The following CDKAL1 variants were observed in gnomAD, a reference collection of about 807,000 sequenced individuals.
CDKAL1 encodes CDKAL1 threonylcarbamoyladenosine tRNA methylthiotransferase.
In CDKAL1, 32 loss-of-function variants were observed where a neutral mutation model predicts 68.2. The observed-to-expected ratio is 0.47, with a 90% confidence interval of 0.35 to 0.63. The LOEUF (loss-of-function observed/expected upper bound fraction) is 0.63, where lower values mean the gene tolerates loss of function less well. CDKAL1 is among the 30% of genes least tolerant of loss of function. The pLI is 0.00. For missense variants in CDKAL1, 606 were observed against 696.7 expected (o/e 0.87, Z 1.47); for synonymous variants, 234 against 244.3 (o/e 0.96, Z 0.39).
intron 8 of CDKAL1, among the ~76,000 whole-genome samples, chr6:20,799,348 G>T (rs1036572204): frequency 6.6e-6 from 1 of 151,942 alleles, no homozygotes; most frequent in African/African-American, 2.4e-5. Context: ...CACCGTGCCC[G>T]GCCTAGAACT....
chr6:21,178,733 T>C (rs1187298112), intron 13 of CDKAL1, among the ~76,000 whole-genome samples: 1 of 152,216 alleles, frequency 6.6e-6, no homozygotes, highest in Non-Finnish European at 1.5e-5. Flanking sequence ...TACATTCGTA[T>C]AGCAATTTTC....
intron 5 of CDKAL1, among the ~76,000 whole-genome samples, chr6:20,676,911 A>G (rs1379338008): frequency 6.6e-6 from 1 of 152,140 alleles, no homozygotes; most frequent in African/African-American, 2.4e-5. Context: ...CACTTGAGGA[A>G]TGATGAAATT....
intron 12 of CDKAL1, among the ~76,000 whole-genome samples, chr6:21,099,367 TTATATA>T: frequency 6.6e-6 from 1 of 152,310 alleles, no homozygotes; most frequent in East Asian, 1.9e-4. Flanking sequence ...CAATAAAACT[TTATATA>T]TATAAATTTG....
At chr6:21,059,941 GT>G (rs1304722832) in intron 11 of CDKAL1, among the ~76,000 whole-genome samples, 1 of 151,930 alleles carries the variant, frequency 6.6e-6, no homozygotes, top group African/African-American at 2.4e-5. Flanking sequence ...AGTCTTCACT[GT>G]TCATTATTCT....
intron 5 of CDKAL1, among the ~76,000 whole-genome samples, chr6:20,695,211 T>A (rs1416641463): frequency 6.6e-6 from 1 of 152,172 alleles, no homozygotes; most frequent in Non-Finnish European, 1.5e-5. Flanking sequence ...TCTATGGCCT[T>A]ATGAACTGGA....
At chr6:20,712,725 A>G (rs1051562601) in intron 5 of CDKAL1, among the ~76,000 whole-genome samples, 14 of 151,926 alleles carry the variant, frequency 9.2e-5, no homozygotes, top group African/African-American at 7.2e-5. Flanking sequence ...GCTCACTGCA[A>G]CCTCCACCTC....
At chr6:20,615,874 G>T (rs111917916) in intron 4 of CDKAL1, among the ~76,000 whole-genome samples, 23,424 of 121,204 alleles carry the variant, frequency 0.19, 1,766 homozygotes, top group East Asian at 0.4. Flanking sequence ...GTCCTGAATG[G>T]TAATGCCTAG....
rs142219976 is a variant in CDKAL1 at position 20,896,320 on chromosome 6, G to A, written c.742+50142G>A. ...TCACCGTGTTGGCCAAGATGGTCTC[G>A]ATCTCTTGACCTCATGATCCACCCA... On this transcript the variant is annotated intron_variant, in intron 9 of 15. Transcript: ENST00000274695. 2.1e-3 allele frequency among the ~76,000 whole-genome samples: 322 copies of A among 152,042 alleles called. 3 individuals are homozygous for A. In the East Asian group the frequency reaches 0.056, roughly 26 times the overall value.
chr6:21,146,517 C>G (rs916516419), intron 13 of CDKAL1, among the ~76,000 whole-genome samples: 1 of 152,024 alleles, frequency 6.6e-6, no homozygotes, highest in African/African-American at 2.4e-5. Flanking sequence ...TTTTGACAGC[C>G]TCTAGTGTTA....
intron 14 of CDKAL1, among the ~76,000 whole-genome samples, chr6:21,199,399 G>A (rs547367313): frequency 5.3e-5 from 8 of 152,250 alleles, no homozygotes; most frequent in African/African-American, 1.9e-4. Context: ...GGCCTGCATC[G>A]CTTCCCCATT....
rs1487050975 is a variant in CDKAL1 at position 21,000,444 on chromosome 6, AT to A, written c.1055+74del. 3.0e-6 allele frequency: 4 copies of A among 1,311,598 alleles called. No homozygotes were observed. In the African/African-American group the frequency reaches 5.8e-5, roughly 19 times the overall value. 81.2% of individuals were successfully genotyped at this position (1,311,598 alleles called of 1,614,324 possible). A position where few individuals can be genotyped will look rare whatever the true frequency, so the allele number is the denominator to read the frequency against. On this transcript the variant is annotated intron_variant, in intron 11 of 15. Coordinates refer to ENST00000274695, the MANE Select transcript of CDKAL1 (RefSeq NM_017774.3). ...AAAAGCTTGTGGCAAAAATGCACTT[AT>A]TGCAGCCTTACAATTAAAGGTACAA...
intron 9 of CDKAL1, among the ~76,000 whole-genome samples, chr6:20,897,636 G>A (rs1228840104): frequency 6.6e-6 from 1 of 152,028 alleles, no homozygotes; most frequent in Admixed American, 6.5e-5. Context: ...TTTTTAGTAA[G>A]GGACTACAAC....
chr6:20,946,257 C>A (rs1194733999), intron 9 of CDKAL1, among the ~76,000 whole-genome samples: 1 of 152,180 alleles, frequency 6.6e-6, no homozygotes, highest in African/African-American at 2.4e-5. Context: ...ACACTGACCT[C>A]TTTGTGGTTC....
chr6:21,215,780 G>A (rs1328054077), intron 15 of CDKAL1, among the ~76,000 whole-genome samples: 1 of 152,100 alleles, frequency 6.6e-6, no homozygotes, highest in African/African-American at 2.4e-5. Flanking sequence ...GGGGACCTGT[G>A]GTAGGCAGAA....
chr6:20,756,745 C>G (rs16901574), intron 6 of CDKAL1: 16,644 of 152,078 alleles, frequency 0.11, 982 homozygotes, highest in African/African-American at 0.13. Flanking sequence ...CTCTCACAAG[C>G]CTTTCCTCAT....
rs1023141743 is a variant in CDKAL1 at position 21,161,043 on chromosome 6, T to TG, written c.1300-36971dup. On this transcript the variant is annotated intron_variant, in intron 13 of 15. Coordinates refer to ENST00000274695, the MANE Select transcript of CDKAL1 (RefSeq NM_017774.3). ...AATACAGGAAGCCCCTTTTGTTGGC[T>TG]GGGGGGGTGCAGTGAAGGTAGTGTC... Among the ~76,000 whole-genome samples the TG allele has an allele frequency of 7.5e-4, 114 of 152,060 alleles. 1 individual carries two copies. The highest frequency in any genetic ancestry group is 2.5e-3 in the African/African-American group (103 of 41,502).
chr6:21,142,941 C>T (rs985727769), intron 13 of CDKAL1, among the ~76,000 whole-genome samples: 1 of 152,118 alleles, frequency 6.6e-6, no homozygotes, highest in Non-Finnish European at 1.5e-5. Context: ...GCTTTACTTA[C>T]AAGAGTTCTA....
At chr6:21,144,519 C>G (rs1776068803) in intron 13 of CDKAL1, among the ~76,000 whole-genome samples, 1 of 151,876 alleles carries the variant, frequency 6.6e-6, no homozygotes, top group South Asian at 2.1e-4. Context: ...GGCATGGTGG[C>G]CCACGTATGT....
chr6:21,107,236 C>T (rs1018798986), intron 12 of CDKAL1, among the ~76,000 whole-genome samples: 3 of 151,972 alleles, frequency 2.0e-5, no homozygotes, highest in Admixed American at 2.0e-4. Flanking sequence ...CGTGAGCCAC[C>T]GTGCCCGGCC....
Sources: allele counts gnomAD v4.1 joint callset (sites outside exome capture counted in the v4.1 genomes callset), GRCh38; gene constraint gnomAD v4.1.1; transcripts MANE v1.5; gene names NCBI Gene and HGNC (gene_info 2026-07-23, HGNC 2026-07-21).